Variants in CTNNA3 observed in about 807,000 individuals in gnomAD.
The protein encoded by CTNNA3 is catenin alpha 3, also known as catenin alpha-3.
CTNNA3 carries 76 observed loss-of-function variants against 95.7 expected under a neutral mutation model. That is an observed-to-expected ratio of 0.79 (90% CI 0.66 to 0.96). The LOEUF is 0.96. CTNNA3 is among the 40% of genes least tolerant of loss of function. The pLI is 0.00. For synonymous variants in CTNNA3, 431 were observed against 374.4 expected (o/e 1.15, Z -1.74); for missense variants, 1,191 against 1,089.8 (o/e 1.09, Z -1.31).
chr10:67,693,069 A>C (rs1411765131), intron 1 of CTNNA3, among the ~76,000 whole-genome samples: 2 of 152,194 alleles, frequency 1.3e-5, no homozygotes, highest in African/African-American at 4.8e-5. Flanking sequence ...CTAATCTTCC[A>C]TTTTGCACAC....
chr10:66,992,332 T>G (rs1851086266), intron 7 of CTNNA3, among the ~76,000 whole-genome samples: 1 of 152,166 alleles, frequency 6.6e-6, no homozygotes, highest in Non-Finnish European at 1.5e-5. Flanking sequence ...AATCAACTGT[T>G]TATATCCTTT....
chr10:67,058,827 T>C (rs899569803), intron 7 of CTNNA3, among the ~76,000 whole-genome samples: 1 of 152,200 alleles, frequency 6.6e-6, no homozygotes, highest in Admixed American at 6.5e-5. Context: ...TAGGCTGTTT[T>C]CTAATGATTC....
chr10:67,762,275 T>G (rs1841465809), intron 1 of CTNNA3, among the ~76,000 whole-genome samples: 1 of 151,866 alleles, frequency 6.6e-6, no homozygotes, highest in Admixed American at 6.6e-5. Context: ...TATAGGTATT[T>G]CCCTGGAAAT....
At chr10:67,102,028 T>A (rs1392940444) in intron 7 of CTNNA3, among the ~76,000 whole-genome samples, 3 of 151,766 alleles carry the variant, frequency 2.0e-5, no homozygotes, top group East Asian at 3.9e-4. Flanking sequence ...AGAATAGATA[T>A]AATAACATCT....
At chr10:66,043,942 G>C (rs1261565365) in intron 15 of CTNNA3, among the ~76,000 whole-genome samples, 1 of 150,192 alleles carries the variant, frequency 6.7e-6, no homozygotes, top group African/African-American at 2.4e-5. Flanking sequence ...GCCTAAAAAT[G>C]TAATAGGACT....
At position 66,253,461 on chromosome 10, in the gene CTNNA3, T is replaced by C. The variant is rs142225341; in HGVS notation, c.1884+27009A>G. ...TTCTGTATGGCCACTGGAATCCTTC[T>C]AACTCCATTTACCTACACTATCCAA... On this transcript the variant is annotated intron_variant, in intron 13 of 17. Transcript: ENST00000433211. 2.4e-3 allele frequency among the ~76,000 whole-genome samples: 368 copies of C among 152,272 alleles called. 3 individuals carry two copies. The highest frequency in any genetic ancestry group is 7.9e-3 in the African/African-American group (330 of 41,542).
intron 5 of CTNNA3, among the ~76,000 whole-genome samples, chr10:67,383,641 C>T (rs2132738943): frequency 7.2e-6 from 1 of 139,812 alleles, no homozygotes; most frequent in East Asian, 2.1e-4. Flanking sequence ...CACTTTACCT[C>T]ACTAACCTAA....
intron 7 of CTNNA3, among the ~76,000 whole-genome samples, chr10:67,174,766 C>T (rs1287274806): frequency 6.6e-6 from 1 of 152,154 alleles, no homozygotes; most frequent in Middle Eastern, 3.2e-3. Flanking sequence ...AATCCAGCCT[C>T]TTTCATTGGG....
At chr10:66,150,325 G>T (rs2084131470) in intron 13 of CTNNA3, among the ~76,000 whole-genome samples, 1 of 152,152 alleles carries the variant, frequency 6.6e-6, no homozygotes, top group African/African-American at 2.4e-5. Flanking sequence ...ATGATTGTGA[G>T]GCCTTGCCAG....
In CTNNA3 at chr10:66,083,999, G is replaced by A. The variant is rs1416272448; in HGVS notation, c.1978-14510C>T. ...AAAAATACAAAATTAGCCAGGTGTG[G>A]TGGTGCATGCCTGTAATCCTAGCTA... On this transcript the variant is annotated intron_variant, in intron 14 of 17. Coordinates refer to ENST00000433211, the MANE Select transcript of CTNNA3 (RefSeq NM_013266.4). Among the ~76,000 whole-genome samples the A allele has an allele frequency of 3.3e-5, 5 of 152,012 alleles. No individual in the cohort carries two copies. In the East Asian group the frequency reaches 7.8e-4, roughly 24 times the overall value.
At chr10:66,824,294 C>A (rs1375972257) in intron 7 of CTNNA3, among the ~76,000 whole-genome samples, 1 of 152,112 alleles carries the variant, frequency 6.6e-6, no homozygotes, top group Non-Finnish European at 1.5e-5. Flanking sequence ...AACATTCAAG[C>A]AAAGCCATGT....
At chr10:65,954,484 T>TAATA (rs2077689326) in intron 17 of CTNNA3, among the ~76,000 whole-genome samples, 1 of 152,226 alleles carries the variant, frequency 6.6e-6, no homozygotes, top group Non-Finnish European at 1.5e-5. Flanking sequence ...TGAATGGTAT[T>TAATA]GCCTAGGTTT....
chr10:66,753,545 C>T (rs1197740017), intron 9 of CTNNA3, among the ~76,000 whole-genome samples: 1 of 151,716 alleles, frequency 6.6e-6, no homozygotes, highest in Non-Finnish European at 1.5e-5. Context: ...ACCCGTAATC[C>T]CAGCTACTCG....
chr10:67,555,230 A>G (rs10997709), intron 3 of CTNNA3, among the ~76,000 whole-genome samples: 30,290 of 151,926 alleles, frequency 0.2, 5,018 homozygotes, highest in African/African-American at 0.46. Flanking sequence ...TTGTCTTGGC[A>G]ATGCGGGCTC....
intron 10 of CTNNA3, among the ~76,000 whole-genome samples, chr10:66,531,530 A>G (rs902530020): frequency 3.3e-5 from 5 of 152,130 alleles, no homozygotes; most frequent in Non-Finnish European, 7.4e-5. Context: ...ACCATGCCCA[A>G]CTAATTTACA....
At chr10:66,858,143 G>A (rs1412477900) in intron 7 of CTNNA3, among the ~76,000 whole-genome samples, 2 of 152,058 alleles carry the variant, frequency 1.3e-5, no homozygotes, top group African/African-American at 4.8e-5. Context: ...AGCCTTTTCT[G>A]CATCTACTGA....
At chr10:66,869,901 G>A (rs1467278032) in intron 7 of CTNNA3, among the ~76,000 whole-genome samples, 1 of 152,140 alleles carries the variant, frequency 6.6e-6, no homozygotes, top group Admixed American at 6.5e-5. Flanking sequence ...TCAAAGCAAT[G>A]TTGCTATATT....
At chr10:67,323,618 C>G (rs1310281630) in intron 5 of CTNNA3, among the ~76,000 whole-genome samples, 2 of 152,222 alleles carry the variant, frequency 1.3e-5, no homozygotes, top group South Asian at 4.2e-4. Flanking sequence ...GTTATTGCAG[C>G]CTTGTAGTAT....
At chr10:66,847,749 C>A (rs1843334046) in intron 7 of CTNNA3, among the ~76,000 whole-genome samples, 1 of 152,040 alleles carries the variant, frequency 6.6e-6, no homozygotes, top group South Asian at 2.1e-4. Flanking sequence ...ATATGTCCTG[C>A]ATGTATAAAT....
Sources: allele counts gnomAD v4.1 joint callset (sites outside exome capture counted in the v4.1 genomes callset), GRCh38; gene constraint gnomAD v4.1.1; transcripts MANE v1.5; gene names NCBI Gene and HGNC (gene_info 2026-07-23, HGNC 2026-07-21).